TEX11: variants seen among roughly 807,000 people sequenced by gnomAD.
TEX11 encodes the protein testis expressed 11.
In TEX11, 7 loss-of-function variants were observed where a neutral mutation model predicts 84.4. The observed-to-expected ratio is 0.08, with a 90% CI of 0.05 to 0.16. The LOEUF is 0.16. Ranked by LOEUF, TEX11 falls within the 10% of genes least tolerant of loss-of-function variation. TEX11 has a pLI of 1.00. For missense variants in TEX11, 551 were observed against 660.5 expected (o/e 0.83, Z 1.82); for synonymous variants, 264 against 222.8 (o/e 1.18, Z -1.64).
At chrX:70,720,101 G>C (rs1287885995) in intron 13 of TEX11, among the ~76,000 whole-genome samples, 5 of 111,529 alleles carry the variant, frequency 4.5e-5, no homozygotes, top group African/African-American at 6.5e-5. Flanking sequence ...TTCACAATAG[G>C]AAAGACTTGG....
chrX:70,797,513 A>G (rs2091162265), intron 9 of TEX11, among the ~76,000 whole-genome samples: 1 of 110,582 alleles, frequency 9.0e-6, no homozygotes, highest in Admixed American at 9.7e-5. Context: ...TGAAGAGGAA[A>G]GAACCTATCC....
At chrX:70,595,999 C>T (rs942043729) in intron 24 of TEX11, among the ~76,000 whole-genome samples, 3 of 107,894 alleles carry the variant, frequency 2.8e-5, no homozygotes, top group African/African-American at 1.0e-4. Flanking sequence ...TAAAATAAGA[C>T]AAAAATAGAC....
intron 15 of TEX11, among the ~76,000 whole-genome samples, chrX:70,671,906 T>TAC (rs1462153447): frequency 1.4e-5 from 1 of 71,163 alleles, no homozygotes; most frequent in African/African-American, 4.7e-5. Flanking sequence ...TATATATATA[T>TAC]ATATACACAC....
At chrX:70,763,540 C>T (rs991914556) in intron 9 of TEX11, among the ~76,000 whole-genome samples, 1 of 109,012 alleles carries the variant, frequency 9.2e-6, no homozygotes, top group African/African-American at 3.3e-5. Flanking sequence ...AGAAAAAACA[C>T]TAAAGAACTT....
intron 24 of TEX11, among the ~76,000 whole-genome samples, chrX:70,596,752 T>C (rs774645385): frequency 1.8e-5 from 2 of 110,189 alleles, no homozygotes; most frequent in Non-Finnish European, 3.8e-5. Flanking sequence ...AATTGAACTG[T>C]AAGCAAGCAG....
chrX:70,600,319 G>A (rs758648632), intron 24 of TEX11, among the ~76,000 whole-genome samples: 5 of 110,856 alleles, frequency 4.5e-5, no homozygotes, highest in African/African-American at 9.8e-5. Context: ...AAATGTCTTC[G>A]TATTGGATAT....
intron 5 of TEX11, among the ~76,000 whole-genome samples, chrX:70,858,371 G>A (rs1477149202): frequency 9.3e-6 from 1 of 106,959 alleles, no homozygotes; most frequent in Non-Finnish European, 1.9e-5. Flanking sequence ...GAACCCAGGT[G>A]GCAGAGGTTG....
intron 13 of TEX11, among the ~76,000 whole-genome samples, chrX:70,721,631 G>T (rs1422164289): frequency 9.0e-6 from 1 of 111,705 alleles, no homozygotes; most frequent in African/African-American, 3.3e-5. Context: ...ATTATCTGGA[G>T]TTAGAAAACT....
chrX:70,798,495 A>G (rs774181897), intron 9 of TEX11, among the ~76,000 whole-genome samples: 68 of 112,217 alleles, frequency 6.1e-4, no homozygotes, highest in African/African-American at 1.7e-3. Context: ...TAATCCTCAA[A>G]TTTATATGGA....
Position 70,886,119 on chromosome X carries a change from T to G in TEX11, c.38-6010A>C, listed in dbSNP as rs574643542. 9.9e-5 allele frequency among the ~76,000 whole-genome samples: 11 copies of G among 110,987 alleles called. No homozygotes were observed. In the South Asian group the frequency reaches 4.2e-3, roughly 42 times the overall value. ...TTATCCACATGAATTGAAATCAGGG[T>G]CTTGAAGAGATATTAGCACTCCCAT... On this transcript the variant is annotated intron_variant, in intron 2 of 29. Transcript: ENST00000374333.
chrX:70,678,794 A>T lies in TEX11; in HGVS notation c.1242+10T>A, dbSNP rs2090098725. On this transcript the variant is annotated intron_variant, in intron 15 of 29. Transcript: ENST00000374333. Reference sequence around the variant, plus strand: ...AGAAATAAAGAATGAAAAAGAGATTATTCTCAAACCTCAAAACTACTGGCA... The same window carrying T: ...AGAAATAAAGAATGAAAAAGAGATTTTTCTCAAACCTCAAAACTACTGGCA... 3 of 1,188,097 alleles carry T rather than the reference A, an allele frequency of 2.5e-6. No homozygotes were observed. The highest frequency in any genetic ancestry group is 1.8e-5 in the African/African-American group (1 of 56,052).
intron 27 of TEX11, among the ~76,000 whole-genome samples, chrX:70,552,632 A>T (rs937181245): frequency 8.9e-6 from 1 of 111,811 alleles, no homozygotes; most frequent in Non-Finnish European, 1.9e-5. Flanking sequence ...GTGCCTTAAC[A>T]CAGGAAGACT....
chrX:70,619,202 A>C (rs1431315810), intron 20 of TEX11, among the ~76,000 whole-genome samples: 1 of 112,034 alleles, frequency 8.9e-6, no homozygotes, highest in Non-Finnish European at 1.9e-5. Flanking sequence ...TGTTGGAAAC[A>C]GGGCAGATTC....
intron 4 of TEX11, among the ~76,000 whole-genome samples, chrX:70,869,670 G>A (rs921217204): frequency 9.0e-6 from 1 of 110,969 alleles, no homozygotes; most frequent in East Asian, 2.8e-4. Flanking sequence ...CCAGCTACTC[G>A]GGAAGCTGAG....
intron 2 of TEX11, among the ~76,000 whole-genome samples, chrX:70,900,378 CA>C (rs372377002): frequency 1.9e-4 from 13 of 68,152 alleles, no homozygotes; most frequent in African/African-American, 4.9e-4. Context: ...GACTCTATCT[CA>C]AAAAAAAAAA....
chrX:70,589,328 T>C (rs1325261030), intron 25 of TEX11, among the ~76,000 whole-genome samples: 2 of 109,634 alleles, frequency 1.8e-5, no homozygotes, highest in Non-Finnish European at 3.8e-5. Flanking sequence ...ATAAACTATA[T>C]AGATACATAT....
At chrX:70,651,225 G>A (rs924186619) in intron 17 of TEX11, among the ~76,000 whole-genome samples, 2 of 111,636 alleles carry the variant, frequency 1.8e-5, no homozygotes, top group Admixed American at 9.5e-5. Context: ...CTTGTCCCGC[G>A]TTTGCCCAGT....
intron 8 of TEX11, among the ~76,000 whole-genome samples, chrX:70,808,801 G>A (rs1161521508): frequency 9.0e-6 from 1 of 111,278 alleles, no homozygotes; most frequent in East Asian, 2.8e-4. Context: ...GAATCTAACT[G>A]ATGTTTTCAA....
intron 9 of TEX11, among the ~76,000 whole-genome samples, chrX:70,757,855 T>G (rs142835154): frequency 0.13 from 14,439 of 110,855 alleles, 821 homozygotes; most frequent in Middle Eastern, 0.25. Context: ...AGACCCATCA[T>G]TGTGCTGTAT....
Sources: gnomAD v4.1 joint callset for allele counts (sites outside exome capture counted in the v4.1 genomes callset) on GRCh38, gnomAD v4.1.1 for gene constraint, MANE v1.5 for transcripts, NCBI Gene and HGNC (gene_info 2026-07-23, HGNC 2026-07-21) for gene names.